NAALADL2: variants seen among roughly 807,000 people sequenced by gnomAD.
The protein encoded by NAALADL2 is inactive N-acetylated-alpha-linked acidic dipeptidase-like protein 2.
NAALADL2 carries 76 observed loss-of-function variants against 87.2 expected under a neutral mutation model. That is an observed-to-expected ratio of 0.87 (90% CI 0.72 to 1.05). NAALADL2 has a LOEUF of 1.05. NAALADL2 is among the 50% of genes least tolerant of loss of function. NAALADL2 has a pLI of 0.00. For synonymous variants in NAALADL2, 354 were observed against 331.0 expected (o/e 1.07, Z -0.75); for missense variants, 1,089 against 945.8 (o/e 1.15, Z -1.99).
At chr3:174,475,575 A>C (rs1399454842) in intron 1 of NAALADL2, among the ~76,000 whole-genome samples, 1 of 152,050 alleles carries the variant, frequency 6.6e-6, no homozygotes, top group African/African-American at 2.4e-5. Flanking sequence ...ACATACTCTG[A>C]AATTCCACCA....
chr3:175,576,213 C>T lies in NAALADL2; in HGVS notation c.1800+26C>T, dbSNP rs753900174. ...GTGATTGTTCCTAAAAAATGCAAAA[C>T]ACACACACACAATATAGTAGACCTG... On this transcript the variant is annotated intron_variant, in intron 10 of 13. Coordinates refer to ENST00000454872, the MANE Select transcript of NAALADL2 (RefSeq NM_207015.3). 2.0e-6 allele frequency: 3 copies of T among 1,526,836 alleles called. No homozygotes were observed. The East Asian group carries it at 7.0e-5, about 36-fold the overall frequency. 94.6% of individuals were successfully genotyped at this position (1,526,836 alleles called of 1,614,324 possible).
intron 5 of NAALADL2, 43 bp from the exon 6 acceptor site, chr3:175,447,186 T>C (rs745860171): frequency 5.8e-6 from 8 of 1,384,316 alleles, no homozygotes; most frequent in Non-Finnish European, 6.8e-6. Context: ...TGTTTTAAAT[T>C]TCTGTTTACT....
At chr3:174,696,417 A>C (rs898179518) in intron 2 of NAALADL2, among the ~76,000 whole-genome samples, 2 of 151,898 alleles carry the variant, frequency 1.3e-5, no homozygotes, top group African/African-American at 4.8e-5. Context: ...TGCTAGACTT[A>C]TGTGGGAAAA....
chr3:174,820,832 T>G (rs1476586355), intron 3 of NAALADL2, among the ~76,000 whole-genome samples: 2 of 123,354 alleles, frequency 1.6e-5, no homozygotes, highest in Non-Finnish European at 3.6e-5. Context: ...GTGGTATATG[T>G]TTTTTTAAAA....
At chr3:175,413,426 C>T (rs1190624979) in intron 5 of NAALADL2, among the ~76,000 whole-genome samples, 1 of 151,348 alleles carries the variant, frequency 6.6e-6, no homozygotes, top group South Asian at 2.1e-4. Context: ...AAAAAATTGG[C>T]CGGGCATGGT....
intron 5 of NAALADL2, among the ~76,000 whole-genome samples, chr3:175,421,687 T>C (rs756876551): frequency 1.3e-5 from 2 of 152,114 alleles, no homozygotes; most frequent in African/African-American, 2.4e-5. Flanking sequence ...CATTCATTCA[T>C]TGATTTACTT....
intron 2 of NAALADL2, among the ~76,000 whole-genome samples, chr3:174,720,908 C>T (rs1054159627): frequency 6.6e-6 from 1 of 152,070 alleles, no homozygotes; most frequent in Non-Finnish European, 1.5e-5. Context: ...TGAAATGAAG[C>T]GCACAAAATG....
intron 1 of NAALADL2, among the ~76,000 whole-genome samples, chr3:174,532,928 C>G (rs1229675991): frequency 2.6e-5 from 4 of 151,582 alleles, no homozygotes; most frequent in Admixed American, 2.6e-4. Flanking sequence ...TAGTACCCCC[C>G]TCCTTTTCTC....
chr3:175,072,883 A>G (rs755533444), intron 1 of NAALADL2, among the ~76,000 whole-genome samples: 6 of 152,056 alleles, frequency 3.9e-5, no homozygotes, highest in Non-Finnish European at 8.8e-5. Flanking sequence ...ATAAATATTT[A>G]AAGAGGCAAA....
intron 2 of NAALADL2, among the ~76,000 whole-genome samples, chr3:175,175,582 A>T (rs1343856998): frequency 2.0e-5 from 3 of 152,026 alleles, no homozygotes; most frequent in African/African-American, 7.2e-5. Flanking sequence ...ATGTAGTTTT[A>T]AAAAAATTAT....
intron 1 of NAALADL2, among the ~76,000 whole-genome samples, chr3:174,507,597 G>A (rs1719276046): frequency 6.9e-6 from 1 of 145,892 alleles, no homozygotes; most frequent in Non-Finnish European, 1.6e-5. Context: ...CTGAACTCTG[G>A]CAACTATTGA....
At chr3:175,394,295 C>G (rs11929332) in intron 5 of NAALADL2, among the ~76,000 whole-genome samples, 106,371 of 151,986 alleles carry the variant, frequency 0.7, 37,394 homozygotes, top group East Asian at 0.81. Context: ...AAGTTTTAAC[C>G]CTTGGTAGCA....
At chr3:175,666,435 TG>T (rs1733003434) in intron 11 of NAALADL2, among the ~76,000 whole-genome samples, 1 of 152,174 alleles carries the variant, frequency 6.6e-6, no homozygotes. Context: ...TTTTATCACT[TG>T]TAGTATAGAG....
At chr3:175,464,936 A>G (rs1371356742) in intron 7 of NAALADL2, among the ~76,000 whole-genome samples, 4 of 152,182 alleles carry the variant, frequency 2.6e-5, no homozygotes, top group African/African-American at 9.7e-5. Flanking sequence ...TTATTGGAAA[A>G]CCCAGTTGTA....
At chr3:175,068,140 T>C (rs114105987) in intron 1 of NAALADL2, among the ~76,000 whole-genome samples, 2,380 of 152,118 alleles carry the variant, frequency 0.016, 57 homozygotes, top group African/African-American at 0.054. Context: ...TTTTGGGTAC[T>C]GTGTTCACTA....
intron 1 of NAALADL2, among the ~76,000 whole-genome samples, chr3:174,509,097 G>T (rs1006111681): frequency 6.9e-6 from 1 of 144,496 alleles, no homozygotes; most frequent in Non-Finnish European, 1.5e-5. Context: ...TTTTCAAACT[G>T]TATGCCTTTT....
chr3:175,405,188 A>G (rs1712090675), intron 5 of NAALADL2, among the ~76,000 whole-genome samples: 1 of 152,166 alleles, frequency 6.6e-6, no homozygotes, highest in Admixed American at 6.6e-5. Context: ...CATCTTTTAA[A>G]CATAAAGTTA....
At chr3:175,655,973 C>T (rs998008070) in intron 11 of NAALADL2, among the ~76,000 whole-genome samples, 2 of 152,098 alleles carry the variant, frequency 1.3e-5, no homozygotes, top group African/African-American at 4.8e-5. Flanking sequence ...TAGAAATTGC[C>T]CATTTAACTC....
At chr3:175,424,692 T>G (rs548162963) in intron 5 of NAALADL2, among the ~76,000 whole-genome samples, 4 of 152,320 alleles carry the variant, frequency 2.6e-5, no homozygotes, top group African/African-American at 9.6e-5. Context: ...TGTAGCCTTG[T>G]AGGATGGTTT....
Sources: gnomAD v4.1 joint callset for allele counts (sites outside exome capture counted in the v4.1 genomes callset) on GRCh38, gnomAD v4.1.1 for gene constraint, MANE v1.5 for transcripts, NCBI Gene and HGNC (gene_info 2026-07-23, HGNC 2026-07-21) for gene names.